Variants in CAMK2B observed in about 807,000 individuals in gnomAD.
CAMK2B encodes calcium/calmodulin dependent protein kinase II beta, also known as calcium/calmodulin-dependent protein kinase type II subunit beta.
In CAMK2B, 27 loss-of-function variants were observed where a neutral mutation model predicts 93.7. That is an observed-to-expected ratio of 0.29 (90% CI 0.21 to 0.40). The LOEUF (loss-of-function observed/expected upper bound fraction) is 0.40. Among genes scored for constraint, CAMK2B ranks in the 10% least tolerant of loss-of-function variants. The pLI is 1.00. For synonymous variants in CAMK2B, 374 were observed against 358.8 expected (o/e 1.04, Z -0.48); for missense variants, 568 against 895.8 (o/e 0.63, Z 4.67).
rs200508041 is a variant in CAMK2B, at chr7:44,234,624, C to G, written c.1059+15G>C. The G allele has an allele frequency of 2.5e-6, 4 of 1,613,860 alleles. No individual in the cohort carries two copies. The Admixed American group carries it at 5.0e-5, about 20-fold the overall frequency. ...CTGGGCTCCCCGGCACCACAGGGCC[C>G]GGCTGGAGCCTCACCTTGACTCCAT... On this transcript the variant is annotated intron_variant, in intron 14 of 23. Transcript: ENST00000395749.
intron 5 of CAMK2B, among the ~76,000 whole-genome samples, chr7:44,252,895 C>T (rs1469055943): frequency 6.6e-6 from 1 of 152,240 alleles, no homozygotes; most frequent in Non-Finnish European, 1.5e-5. Context: ...GGGCACAGGC[C>T]TCTCCAGGCT....
chr7:44,232,622 C>T (rs989023985), intron 16 of CAMK2B, among the ~76,000 whole-genome samples, 200 bp downstream of exon 16: 7 of 152,210 alleles, frequency 4.6e-5, no homozygotes, highest in African/African-American at 1.7e-4. Flanking sequence ...CAAGCACCTC[C>T]AGGGGCGCGC....
At chr7:44,292,570 G>A (rs1002127462) in intron 1 of CAMK2B, among the ~76,000 whole-genome samples, 28 of 152,214 alleles carry the variant, frequency 1.8e-4, no homozygotes, top group Non-Finnish European at 2.5e-4. Context: ...GAACCAGTAG[G>A]TTAGACAGTG....
intron 13 of CAMK2B, among the ~76,000 whole-genome samples, chr7:44,236,162 C>T (rs374830825): frequency 1.1e-4 from 17 of 152,328 alleles, no homozygotes; most frequent in African/African-American, 4.1e-4. Flanking sequence ...GGCTGCACCC[C>T]GCAGGGCATA....
intron 1 of CAMK2B, among the ~76,000 whole-genome samples, chr7:44,307,013 GGAAGAAGAGGGTGTGAGC>G (rs1791909885): frequency 7.1e-6 from 1 of 141,178 alleles, no homozygotes; most frequent in Non-Finnish European, 1.5e-5. Context: ...GGTGTGAGCA[GGAAGAAGAGGGTGTGAGC>G]AGGGAGAGGA....
rs536023243 is a variant in CAMK2B, at chr7:44,222,127, G to A, written c.1598-1226C>T. On this transcript the variant is annotated intron_variant, in intron 20 of 23. Coordinates refer to ENST00000395749, the MANE Select transcript of CAMK2B (RefSeq NM_001220.5). The stretch of plus-strand genomic sequence containing the variant: ...CACACGCACGCTCACCTATACACAC[G>A]AGTAACAGTGGTTTCTCAAAGTAAT... Among the ~76,000 whole-genome samples, 5 of 152,200 alleles carry A rather than the reference G, an allele frequency of 3.3e-5. No individual in the cohort carries two copies. In the East Asian group the frequency reaches 5.8e-4, roughly 18 times the overall value.
chr7:44,258,333 A>T (rs2096851689), intron 4 of CAMK2B, among the ~76,000 whole-genome samples: 1 of 152,156 alleles, frequency 6.6e-6, no homozygotes, highest in Non-Finnish European at 1.5e-5. Flanking sequence ...TCATACATTC[A>T]CACAATACAC....
At chr7:44,236,558 G>A (rs2096628038) in intron 13 of CAMK2B, among the ~76,000 whole-genome samples, 1 of 152,246 alleles carries the variant, frequency 6.6e-6, no homozygotes, top group Admixed American at 6.5e-5. Flanking sequence ...CAGAAATGCC[G>A]ACTGCCCACT....
intron 2 of CAMK2B, among the ~76,000 whole-genome samples, chr7:44,273,265 T>C (rs2096992400): frequency 6.6e-6 from 1 of 152,090 alleles, no homozygotes; most frequent in Non-Finnish European, 1.5e-5. Flanking sequence ...CCCTGCCTGT[T>C]CACTGTGTCC....
intron 2 of CAMK2B, among the ~76,000 whole-genome samples, chr7:44,274,279 G>T (rs539093028): frequency 1.5e-4 from 23 of 152,302 alleles, no homozygotes; most frequent in African/African-American, 5.3e-4. Context: ...CAGGACTGCA[G>T]CTTCTGGCCC....
chr7:44,315,082 G>C (rs1025738198), intron 1 of CAMK2B, among the ~76,000 whole-genome samples: 2 of 152,078 alleles, frequency 1.3e-5, no homozygotes, highest in African/African-American at 4.8e-5. Flanking sequence ...CACTGTTAAT[G>C]AAGCCCAACA....
Position 44,311,639 on chromosome 7 carries a change from C to T in CAMK2B, c.65+13718G>A, listed in dbSNP as rs1314102334. On this transcript the variant is annotated intron_variant, in intron 1 of 23. Transcript: ENST00000395749. The surrounding 1 kb of genome is among the most constrained non-coding windows in gnomAD (Gnocchi z 4.2). ...GCCCCGGGTACCCAGAGGGGCTGTCCTGCCCCTGCGAGCACCACAGCCTGG... is the reference window on the plus strand; with the variant it reads ...GCCCCGGGTACCCAGAGGGGCTGTCTTGCCCCTGCGAGCACCACAGCCTGG... 1.3e-5 allele frequency among the ~76,000 whole-genome samples: 2 copies of T among 152,166 alleles called. No homozygotes were observed. Among genetic ancestry groups the T allele is most frequent in the Non-Finnish European group, 2.9e-5 (2 of 68,030 alleles).
intron 1 of CAMK2B, among the ~76,000 whole-genome samples, chr7:44,288,337 C>A (rs566713288): frequency 1.2e-4 from 19 of 152,386 alleles, no homozygotes; most frequent in African/African-American, 4.3e-4. Context: ...GATGACACTG[C>A]AGGTGCATAG....
intron 1 of CAMK2B, among the ~76,000 whole-genome samples, chr7:44,294,155 C>T (rs931771368): frequency 1.3e-5 from 2 of 152,166 alleles, no homozygotes; most frequent in African/African-American, 4.8e-5. Context: ...GAAGGAAAAC[C>T]CCAGTCTCTG....
rs563120676 is a variant in CAMK2B at position 44,271,347 on chromosome 7, G to A, written c.161-8283C>T. Among the ~76,000 whole-genome samples, 79 of 152,320 alleles carry A rather than the reference G, an allele frequency of 5.2e-4. No individual in the cohort carries two copies. The highest frequency in any genetic ancestry group is 1.7e-3 in the African/African-American group (71 of 41,564). ...TTCAAGGCTAAACTTGACTGCGCTC[G>A]CACACTAGTGACAGAGTACTTGGGA... On this transcript the variant is annotated intron_variant, in intron 2 of 23. Coordinates refer to ENST00000395749, the MANE Select transcript of CAMK2B (RefSeq NM_001220.5). This position sits in a 1 kb window ranked among gnomAD's most constrained non-coding sequence, Gnocchi z 4.2.
At chr7:44,229,297 C>T (rs1009450866) in intron 18 of CAMK2B, 91 bp downstream of exon 18, 6 of 841,022 alleles carry the variant, frequency 7.1e-6, no homozygotes, top group Non-Finnish European at 1.1e-5. Context: ...AGGGTCCACG[C>T]TCAGCCTGCC....
At chr7:44,260,956 C>T (rs2096874455) in intron 3 of CAMK2B, among the ~76,000 whole-genome samples, 1 of 152,228 alleles carries the variant, frequency 6.6e-6, no homozygotes, top group Non-Finnish European at 1.5e-5. Context: ...CCGACGCTGG[C>T]CTCTGCCAAG....
intron 1 of CAMK2B, among the ~76,000 whole-genome samples, chr7:44,322,039 G>A (rs542182657): frequency 3.3e-5 from 5 of 152,236 alleles, no homozygotes; most frequent in African/African-American, 4.8e-5. Context: ...GGCCCGGGCC[G>A]TGACGGTGCT....
intron 20 of CAMK2B, among the ~76,000 whole-genome samples, chr7:44,223,681 T>A (rs1207444219): frequency 6.8e-6 from 1 of 148,018 alleles, no homozygotes; most frequent in Non-Finnish European, 1.5e-5. Flanking sequence ...CACTTTCACC[T>A]GTCCTTTCCT....
Sources: gnomAD v4.1 joint callset for allele counts (sites outside exome capture counted in the v4.1 genomes callset) on GRCh38, gnomAD v4.1.1 for gene constraint, Gnocchi (gnomAD v3.1) non-coding constraint, MANE v1.5 for transcripts, NCBI Gene and HGNC (gene_info 2026-07-23, HGNC 2026-07-21) for gene names.